RNF121: variants seen among roughly 807,000 people sequenced by gnomAD.
RNF121 encodes E3 ubiquitin ligase RNF121.
A neutral mutation model predicts 46.5 loss-of-function variants in RNF121; 21 were observed. The observed-to-expected ratio is 0.45, with a 90% CI of 0.32 to 0.65. The LOEUF is 0.65. Among genes scored for constraint, RNF121 ranks in the 30% least tolerant of loss-of-function variants. RNF121 has a pLI of 0.04. For missense variants in RNF121, 346 were observed against 416.0 expected (o/e 0.83, Z 1.46); for synonymous variants, 139 against 144.7 (o/e 0.96, Z 0.28).
In RNF121 at chr11:71,972,953, G is replaced by A. The variant is rs547620978; in HGVS notation, c.244-9808G>A. On this transcript the variant is annotated intron_variant, in intron 3 of 8. Transcript: ENST00000361756. ...TATAATCCCAGCACTTTGGGAGGCC[G>A]AGGCAGGCGGATCACGTGAGGTCAG... Among the ~76,000 whole-genome samples the A allele has an allele frequency of 4.6e-5, 7 of 152,234 alleles. No homozygotes were observed. The East Asian group carries it at 1.2e-3, about 25-fold the overall frequency.
intron 3 of RNF121, among the ~76,000 whole-genome samples, chr11:71,971,548 C>T (rs1348136228): frequency 6.6e-6 from 1 of 151,986 alleles, no homozygotes; most frequent in African/African-American, 2.4e-5. Context: ...TTAAAACTGA[C>T]AGTAGATTAA....
At chr11:71,989,912 T>C (rs1007267254) in intron 5 of RNF121, among the ~76,000 whole-genome samples, 2 of 152,234 alleles carry the variant, frequency 1.3e-5, no homozygotes, top group South Asian at 4.1e-4. Context: ...ATAGTAAATA[T>C]TTTAGGTCTT....
chr11:71,938,858 T>C (rs1219141181), intron 1 of RNF121: 1 of 152,540 alleles, frequency 6.6e-6, no homozygotes, highest in East Asian at 1.9e-4. Flanking sequence ...GGGTGCTTCA[T>C]GCACCTGGAT....
intron 1 of RNF121, among the ~76,000 whole-genome samples, chr11:71,932,991 A>G (rs1953310878): frequency 6.6e-6 from 1 of 152,186 alleles, no homozygotes; most frequent in Non-Finnish European, 1.5e-5. Flanking sequence ...GGCCATGATG[A>G]CTGCCTAAGC....
intron 1 of RNF121, among the ~76,000 whole-genome samples, chr11:71,951,737 G>A (rs189015742): frequency 2.0e-5 from 3 of 151,536 alleles, no homozygotes; most frequent in Non-Finnish European, 2.9e-5. Context: ...GAAGTCCAAC[G>A]TCATTTAGCT....
intron 1 of RNF121, among the ~76,000 whole-genome samples, chr11:71,932,005 T>C (rs928369877): frequency 9.9e-5 from 15 of 152,242 alleles, no homozygotes; most frequent in Non-Finnish European, 1.5e-5. Context: ...TTTTCCAATA[T>C]TAGATGCCAT....
At position 71,989,123 on chromosome 11, in the gene RNF121, C is replaced by T. The variant is rs542558610; in HGVS notation, c.507-1474C>T. Among the ~76,000 whole-genome samples the T allele has an allele frequency of 5.3e-5, 8 of 151,990 alleles. No homozygotes were observed. In the South Asian group the frequency reaches 6.2e-4, roughly 12 times the overall value. On this transcript the variant is annotated intron_variant, in intron 5 of 8. Coordinates refer to ENST00000361756, the MANE Select transcript of RNF121 (RefSeq NM_018320.5). ...GTTTTGAGATGGAGTCTTGCTTTGT[C>T]GCCTAGGCTAGAGTGCAGTGGCTCA...
At chr11:71,931,515 C>T (rs959515506) in intron 1 of RNF121, among the ~76,000 whole-genome samples, 1 of 152,092 alleles carries the variant, frequency 6.6e-6, no homozygotes, top group African/African-American at 2.4e-5. Flanking sequence ...TTCTTTGCAG[C>T]CTTAGCTTGT....
intron 1 of RNF121, among the ~76,000 whole-genome samples, chr11:71,946,538 A>G (rs766354483): frequency 1.4e-4 from 21 of 152,136 alleles, no homozygotes; most frequent in Non-Finnish European, 8.8e-5. Context: ...TGCTGAATGA[A>G]TTCATTTGTA....
intron 1 of RNF121, among the ~76,000 whole-genome samples, chr11:71,935,083 A>G (rs1361073994): frequency 1.3e-5 from 2 of 151,906 alleles, no homozygotes; most frequent in African/African-American, 4.8e-5. Flanking sequence ...CTGGGACCAC[A>G]GGTGTGCACC....
At chr11:71,948,876 C>T (rs1297876109) in intron 1 of RNF121, among the ~76,000 whole-genome samples, 2 of 152,178 alleles carry the variant, frequency 1.3e-5, no homozygotes, top group East Asian at 3.8e-4. Flanking sequence ...ATCTTAATCA[C>T]GCAGAATACC....
intron 3 of RNF121, among the ~76,000 whole-genome samples, chr11:71,976,429 CACGGCA>C (rs1191160417): frequency 7.1e-6 from 1 of 140,746 alleles, no homozygotes; most frequent in Non-Finnish European, 1.5e-5. Context: ...AATCTCGGCT[CACGGCA>C]ACCTCCGCCT....
chr11:71,992,511 C>A (rs1383937983), intron 6 of RNF121, among the ~76,000 whole-genome samples: 1 of 152,180 alleles, frequency 6.6e-6, no homozygotes, highest in Non-Finnish European at 1.5e-5. Context: ...TTGTTTCTAT[C>A]AATTAGCCTG....
chr11:71,956,787 TTTC>T (rs1954000317), intron 1 of RNF121, among the ~76,000 whole-genome samples: 2 of 152,082 alleles, frequency 1.3e-5, no homozygotes, highest in Non-Finnish European at 2.9e-5. Flanking sequence ...ATTTCTCTTA[TTTC>T]TTCTTCTGGA....
At chr11:71,981,872 G>A (rs764629235) in intron 3 of RNF121, among the ~76,000 whole-genome samples, 26 of 152,152 alleles carry the variant, frequency 1.7e-4, no homozygotes, top group Non-Finnish European at 2.6e-4. Flanking sequence ...TTACATACAG[G>A]TAGAGAATGA....
chr11:71,989,621 A>G (rs1018740258), intron 5 of RNF121, among the ~76,000 whole-genome samples: 1 of 152,172 alleles, frequency 6.6e-6, no homozygotes, highest in Non-Finnish European at 1.5e-5. Flanking sequence ...TTGTACAAAT[A>G]TTTTAACAGA....
chr11:71,982,707 A>G, intron 3 of RNF121, 54 bp from the exon 4 acceptor site: 1 of 1,534,422 alleles, frequency 6.5e-7, no homozygotes, highest in African/African-American at 1.4e-5. Flanking sequence ...GGGACTGTGG[A>G]CAGAGCTGCA....
chr11:71,980,172 A>G (rs1017876204), intron 3 of RNF121, among the ~76,000 whole-genome samples: 5 of 152,064 alleles, frequency 3.3e-5, no homozygotes, highest in African/African-American at 1.2e-4. Context: ...TCATTCAGAG[A>G]GTCAGTTGTG....
intron 5 of RNF121, among the ~76,000 whole-genome samples, chr11:71,989,357 C>G (rs1018721143): frequency 2.0e-5 from 3 of 152,156 alleles, no homozygotes; most frequent in East Asian, 1.9e-4. Context: ...GTTAGGATTA[C>G]AGGTGTGAGC....
Sources: allele counts gnomAD v4.1 joint callset (sites outside exome capture counted in the v4.1 genomes callset), GRCh38; gene constraint gnomAD v4.1.1; transcripts MANE v1.5; gene names NCBI Gene and HGNC (gene_info 2026-07-23, HGNC 2026-07-21).